The following TMC3 variants were observed in gnomAD, a reference collection of about 807,000 sequenced individuals.
The protein encoded by TMC3 is transmembrane channel like 3, also known as transmembrane channel-like protein 3.
TMC3 carries 98 observed loss-of-function variants against 110.6 expected under a neutral mutation model. That is an observed-to-expected ratio of 0.89 (90% confidence interval 0.75 to 1.05). TMC3 has a LOEUF of 1.05. TMC3 is among the 50% of genes least tolerant of loss of function. TMC3 has a pLI of 0.00. For synonymous variants in TMC3, 489 were observed against 513.1 expected, an observed-to-expected ratio of 0.95 and a Z score of 0.63; for missense variants, 1,319 against 1,373.2, an observed-to-expected ratio of 0.96 and a Z score of 0.62.
intron 9 of TMC3, among the ~76,000 whole-genome samples, chr15:81,354,605 C>T (rs777943188): frequency 1.3e-5 from 2 of 152,072 alleles, no homozygotes; most frequent in Admixed American, 6.5e-5. Context: ...GCAAGGGGTA[C>T]ATGTGTGCAG....
At chr15:81,345,419 A>G (rs540007457) in intron 12 of TMC3, among the ~76,000 whole-genome samples, 36 of 152,326 alleles carry the variant, frequency 2.4e-4, no homozygotes, top group Non-Finnish European at 3.4e-4. Context: ...CAAAGCCCCA[A>G]TGCAGAAAAA....
At position 81,372,059 on chromosome 15, in the gene TMC3, A is replaced by G. The variant is rs1402683546; in HGVS notation, c.236+532T>C. Among the ~76,000 whole-genome samples the G allele has an allele frequency of 2.0e-5, 3 of 152,106 alleles. No homozygotes were observed. The East Asian group carries it at 5.8e-4, about 29-fold the overall frequency. On this transcript the variant is annotated intron_variant, in intron 2 of 21. Transcript: ENST00000359440. The stretch of plus-strand genomic sequence containing the variant: ...CTTTAGCACTTTATTATATAGACAG[A>G]CTATTTAATATGACTCTAAGTATCA...
chr15:81,359,577 G>A (rs1894143933), intron 4 of TMC3, 106 bp from the exon 5 acceptor site: 6 of 696,590 alleles, frequency 8.6e-6, no homozygotes. Context: ...GGGACATAGA[G>A]TAAGAATGCC....
chr15:81,370,962 C>G (rs949608525), intron 2 of TMC3, among the ~76,000 whole-genome samples: 7 of 152,006 alleles, frequency 4.6e-5, no homozygotes, highest in African/African-American at 1.2e-4. Flanking sequence ...CATGAGCCAC[C>G]GCACCCAGCC....
chr15:81,372,349 G>GACACACACACAC (rs371289786), intron 2 of TMC3, among the ~76,000 whole-genome samples: 53 of 116,856 alleles, frequency 4.5e-4, no homozygotes, highest in East Asian at 2.7e-3. Context: ...CTGTCTCTCT[G>GACACACACACAC]ACACACACAC....
In TMC3 at chr15:81,349,486, TG is replaced by T; in HGVS notation, c.1164del (p.Arg389GlyfsTer22). 3 of 1,551,950 alleles carry T rather than the reference TG, an allele frequency of 1.9e-6. No individual in the cohort carries two copies. Among genetic ancestry groups the T allele is most frequent in the East Asian group, 2.5e-5 (1 of 40,270 alleles). ...GCAAGCTGGAAGCGCAGCGTGGTCC[TG>T]GGGTGGTACATCTCTAAGGCAGCAA... ...DLIAALEMYHPRTTLRFQLAR... is the reference protein window; with the variant it reads ...DLIAALEMYHXRTTLRFQLAR... On this transcript the variant is annotated frameshift_variant, in exon 11 of 22. Coordinates refer to ENST00000359440, the MANE Select transcript of TMC3 (RefSeq NM_001080532.3). LOFTEE classifies it high-confidence loss of function.
rs1351440447 is a variant in TMC3 at position 81,332,900 on chromosome 15, A to C, written c.2822T>G (p.Leu941Arg). Residue 941 changes from leucine (L) to arginine (R), a missense_variant, in exon 22 of 22, where the codon CTG (leucine) becomes CGG (arginine). Physicochemically the swap from Leu to Arg is moderately radical, Grantham distance 102 (BLOSUM62 -2). Transcript: ENST00000359440. ...TGGCGTCTCCTCCTCTTCTTCACTCAGCTGTGGGGAGGGAGGCTGGCGGGG... is the reference window on the plus strand; with the variant it reads ...TGGCGTCTCCTCCTCTTCTTCACTCCGCTGTGGGGAGGGAGGCTGGCGGGG... The part of the protein sequence containing the change: ...RVPRQPPSPQ[L>R]SEEEEETPSR... 1.9e-6 allele frequency: 3 copies of C among 1,613,218 alleles called. No homozygotes were observed. The highest frequency in any genetic ancestry group is 2.5e-6 in the Non-Finnish European group (3 of 1,179,840).
At chr15:81,362,351 A>G (rs1894207781) in intron 3 of TMC3, 50 bp from the exon 4 acceptor site, 3 of 1,458,470 alleles carry the variant, frequency 2.1e-6, no homozygotes, top group Non-Finnish European at 1.9e-6. Context: ...GAAGATGGCA[A>G]TGGCTGTGCA....
chr15:81,332,430 A>T lies in TMC3; in HGVS notation c.3292T>A (p.Ser1098Thr), dbSNP rs372755367. 3.4e-5 allele frequency: 54 copies of T among 1,605,638 alleles called. No individual in the cohort carries two copies. In the African/African-American group the frequency reaches 6.7e-4, roughly 20 times the overall value. Residue 1098 changes from serine to threonine, a missense_variant, in exon 22 of 22, where the codon TCA becomes ACA. Physicochemically the swap from Ser to Thr is moderately conservative, Grantham distance 58. Coordinates refer to ENST00000359440, the MANE Select transcript of TMC3 (RefSeq NM_001080532.3). ...ACACTGGAGGAAGCCTAGACATCTG[A>T]ACAAATCAAGTCATCCAGATCCACG... is the stretch of plus-strand genomic sequence containing the variant. The part of the protein sequence containing the change: ...LTVDLDDLIC[S>T]DV
intron 3 of TMC3, among the ~76,000 whole-genome samples, chr15:81,366,037 A>G (rs1264247782): frequency 6.6e-6 from 1 of 152,222 alleles, no homozygotes; most frequent in African/African-American, 2.4e-5. Flanking sequence ...CAGATCTAAC[A>G]ATATGTATGA....
At position 81,372,597 on chromosome 15, in the gene TMC3, G is replaced by T; in HGVS notation, c.230C>A (p.Ala77Glu). ...TGGCCATTGAGGCCCTTACCTCAAT[G>T]CCCTCAGCTTCTGTCCCATAGTCCA... ...RPWTMGQKLR[A>E]LRQAKNIVLK... The change falls in exon 2 of 22, where the codon GCA becomes GAA. Residue 77 changes from alanine to glutamate, a missense_variant. Physicochemically the swap from Ala to Glu is moderately radical, Grantham distance 107. Transcript: ENST00000359440. The T allele has an allele frequency of 6.2e-7, 1 of 1,613,350 alleles. No homozygotes were observed. Among genetic ancestry groups the T allele is most frequent in the East Asian group, 2.2e-5 (1 of 44,880 alleles).
chr15:81,332,885 T>C lies in TMC3; in HGVS notation c.2837A>G (p.Glu946Gly). The C allele has an allele frequency of 6.2e-7, 1 of 1,613,284 alleles. No homozygotes were observed. The highest frequency in any genetic ancestry group is 8.5e-7 in the Non-Finnish European group (1 of 1,179,858). ...PPSPQLSEEE[E>G]ETPSRDWIKR... is the part of the protein sequence containing the mutation. ...GATCCAATCTCTGCTTGGCGTCTCCTCCTCTTCTTCACTCAGCTGTGGGGA... is the reference window on the plus strand; with the variant it reads ...GATCCAATCTCTGCTTGGCGTCTCCCCCTCTTCTTCACTCAGCTGTGGGGA... The change falls in exon 22 of 22, where the codon GAG becomes GGG. Residue 946 changes from glutamate (E) to glycine (G), a missense_variant. Transcript: ENST00000359440.
chr15:81,346,307 G>A lies in TMC3; in HGVS notation c.1272+58C>T, dbSNP rs1034478026. The A allele has an allele frequency of 7.6e-6, 11 of 1,448,666 alleles. No individual in the cohort carries two copies. In the African/African-American group the frequency reaches 9.8e-5, roughly 13 times the overall value. The allele number at this position is 1,448,666 out of a possible 1,614,324, so 89.7% of individuals were successfully genotyped here. ...TCCACGATGATGACCCTGGTGTTGG[G>A]AGGAGGTAGCAGAGAGGGCAGAGGT... is the stretch of plus-strand genomic sequence containing the variant. On this transcript the variant is annotated intron_variant, in intron 12 of 21. Transcript: ENST00000359440.
chr15:81,365,483 C>A (rs1009573828), intron 3 of TMC3, among the ~76,000 whole-genome samples: 4 of 151,958 alleles, frequency 2.6e-5, no homozygotes, highest in African/African-American at 9.7e-5. Flanking sequence ...CCAGACTGAC[C>A]AACATGGTGA....
At chr15:81,341,554 T>A in intron 15 of TMC3, 36 bp from the exon 16 acceptor site, 1 of 1,592,546 alleles carries the variant, frequency 6.3e-7, no homozygotes, top group Non-Finnish European at 8.6e-7. Context: ...GCATCTGTTC[T>A]CTTTCAGCCT....
chr15:81,355,532 T>G (rs753533340), intron 9 of TMC3, among the ~76,000 whole-genome samples, 193 bp downstream of exon 9: 1 of 152,326 alleles, frequency 6.6e-6, no homozygotes, highest in Non-Finnish European at 1.5e-5. Context: ...ACAGGATCTA[T>G]GGAAGGAGGA....
rs757213227 is a variant in TMC3, at chr15:81,339,382, A to G, written c.1955+12T>C. On this transcript the variant is annotated intron_variant, in intron 17 of 21. Transcript: ENST00000359440. ...GTCAGTCACTCCGGGCAGAGCTGGG[A>G]ACGAAACTTACCTGAATGGCCCACA... 1.7e-5 allele frequency: 27 copies of G among 1,594,190 alleles called. No individual in the cohort carries two copies. The South Asian group carries it at 3.1e-4, about 18-fold the overall frequency.
Position 81,332,852 on chromosome 15 carries a change from G to T in TMC3, c.2870C>A (p.Ser957Tyr). 2 of 1,613,348 alleles carry T rather than the reference G, an allele frequency of 1.2e-6. No homozygotes were observed. The highest frequency in any genetic ancestry group is 1.7e-6 in the Non-Finnish European group (2 of 1,179,876). Reference protein sequence around the residue: ...ETPSRDWIKRSLPPRSLIDLR... With the variant: ...ETPSRDWIKRYLPPRSLIDLR... ...GTCTATCAGGGAGCGTGGGGGAAGA[G>T]ACCGTTTGATCCAATCTCTGCTTGG... is the stretch of plus-strand genomic sequence containing the variant. Residue 957 changes from serine (S) to tyrosine (Y), a missense_variant, in exon 22 of 22, where the codon TCT (serine) becomes TAT (tyrosine). Physicochemically the swap from Ser to Tyr is moderately radical, Grantham distance 144. Transcript: ENST00000359440.
At chr15:81,355,050 C>T (rs1894029836) in intron 9 of TMC3, among the ~76,000 whole-genome samples, 1 of 152,126 alleles carries the variant, frequency 6.6e-6, no homozygotes, top group Admixed American at 6.5e-5. Flanking sequence ...ACAGCCCTTT[C>T]CAACTCCTCC....
Sources: gnomAD v4.1 joint callset for allele counts (sites outside exome capture counted in the v4.1 genomes callset) on GRCh38, gnomAD v4.1.1 for gene constraint, MANE v1.5 for transcripts, NCBI Gene and HGNC (gene_info 2026-07-23, HGNC 2026-07-21) for gene names.